The following TXNRD1 variants were observed in gnomAD, a reference collection of about 807,000 sequenced individuals.
TXNRD1 encodes the protein thioredoxin reductase 1, cytoplasmic.
A neutral mutation model predicts 80.3 loss-of-function variants in TXNRD1; 57 were observed. The ratio of observed to expected loss-of-function variants is 0.71; its 90% CI spans 0.57 to 0.89. The LOEUF (loss-of-function observed/expected upper bound fraction) is 0.89. Ranked by LOEUF, TXNRD1 falls within the 40% of genes least tolerant of loss-of-function variation. The probability of loss-of-function intolerance (pLI) is 0.00; values close to 1 mark genes in which losing one functional copy is unlikely to be tolerated. For missense variants in TXNRD1, 730 were observed against 803.0 expected, an observed-to-expected ratio of 0.91 and a Z score of 1.10; for synonymous variants, 291 against 285.2, an observed-to-expected ratio of 1.02 and a Z score of -0.20.
intron 4 of TXNRD1, among the ~76,000 whole-genome samples, chr12:104,307,785 A>G (rs1211350168): frequency 1.3e-5 from 2 of 152,160 alleles, no homozygotes; most frequent in African/African-American, 4.8e-5. Flanking sequence ...GCAGTGTTTT[A>G]CTAGGAGTGG....
At chr12:104,241,307 G>A (rs2032858500) in intron 1 of TXNRD1, among the ~76,000 whole-genome samples, 1 of 152,194 alleles carries the variant, frequency 6.6e-6, no homozygotes, top group African/African-American at 2.4e-5. Context: ...CCAAAGTGCT[G>A]AGATTACAGA....
intron 4 of TXNRD1, among the ~76,000 whole-genome samples, chr12:104,291,506 A>G (rs1284268235): frequency 9.1e-6 from 1 of 109,328 alleles, no homozygotes; most frequent in Non-Finnish European, 1.9e-5. Context: ...TTTTTTGAGA[A>G]GGAGTCTCAC....
chr12:104,309,254 A>G (rs569885704), intron 4 of TXNRD1, among the ~76,000 whole-genome samples: 1 of 152,282 alleles, frequency 6.6e-6, no homozygotes, highest in South Asian at 2.1e-4. Flanking sequence ...GTGTCTTGCC[A>G]ATTGGTAAAT....
At chr12:104,264,701 T>C (rs2135716163) in intron 3 of TXNRD1, among the ~76,000 whole-genome samples, 1 of 152,356 alleles carries the variant, frequency 6.6e-6, no homozygotes, top group East Asian at 1.9e-4. Flanking sequence ...ATAGTCCATG[T>C]ATTTACTTAG....
chr12:104,310,137 G>A (rs1047953614), intron 4 of TXNRD1: 2 of 1,454,612 alleles, frequency 1.4e-6, no homozygotes, highest in African/African-American at 1.4e-5. Flanking sequence ...TAAAGTTAAG[G>A]CTTTTTGTTT....
intron 1 of TXNRD1, among the ~76,000 whole-genome samples, chr12:104,243,248 G>A (rs564222742): frequency 6.6e-6 from 1 of 152,172 alleles, no homozygotes; most frequent in East Asian, 1.9e-4. Flanking sequence ...TCATTATCAT[G>A]TCCTTTTAGG....
At chr12:104,335,674 C>T (rs948450268) in intron 15 of TXNRD1, among the ~76,000 whole-genome samples, 1 of 152,098 alleles carries the variant, frequency 6.6e-6, no homozygotes, top group Non-Finnish European at 1.5e-5. Flanking sequence ...AATATTGACT[C>T]TTAAGAAAAC....
At chr12:104,236,423 A>G (rs1369411773) in intron 1 of TXNRD1, among the ~76,000 whole-genome samples, 2 of 152,222 alleles carry the variant, frequency 1.3e-5, no homozygotes, top group Non-Finnish European at 2.9e-5. Context: ...TCAAAAGCCA[A>G]AAATCTTAAC....
rs1303794149 is a variant in TXNRD1 at position 104,342,911 on chromosome 12, G to A, written c.1881+3638G>A. Among the ~76,000 whole-genome samples the A allele has an allele frequency of 4.6e-5, 7 of 152,306 alleles. No homozygotes were observed. In the East Asian group the frequency reaches 1.4e-3, roughly 29 times the overall value. On this transcript the variant is annotated intron_variant, in intron 16 of 16. Coordinates refer to ENST00000525566, the MANE Select transcript of TXNRD1 (RefSeq NM_001093771.3). Reference sequence around the variant, plus strand: ...GTGAGGTGCATGAGAGGAGATGATAGTGGCCGGAGGTGTGGCAGTGGAAAT... The same window carrying A: ...GTGAGGTGCATGAGAGGAGATGATAATGGCCGGAGGTGTGGCAGTGGAAAT...
In TXNRD1 at chr12:104,253,253, G is replaced by A. The variant is rs993837011; in HGVS notation, c.243+1575G>A. Among the ~76,000 whole-genome samples, 4 of 152,096 alleles carry A rather than the reference G, an allele frequency of 2.6e-5. No homozygotes were observed. In the East Asian group the frequency reaches 7.7e-4, roughly 29 times the overall value. On this transcript the variant is annotated intron_variant, in intron 2 of 16. Coordinates refer to ENST00000525566, the MANE Select transcript of TXNRD1 (RefSeq NM_001093771.3). ...GTGGGCGGCAAAAACACTGAGGTACGGAGACCCTTTCATCCTTGTGTCTCT... is the reference window on the plus strand; with the variant it reads ...GTGGGCGGCAAAAACACTGAGGTACAGAGACCCTTTCATCCTTGTGTCTCT...
intron 7 of TXNRD1, 94 bp from the exon 8 acceptor site, chr12:104,318,819 C>T (rs2035420645): frequency 7.1e-7 from 1 of 1,399,856 alleles, no homozygotes; most frequent in Admixed American, 2.1e-5. Context: ...TTTTAGAGCT[C>T]TGCTCCCTGT....
intron 1 of TXNRD1, among the ~76,000 whole-genome samples, chr12:104,226,110 G>C (rs2032467353): frequency 1.3e-5 from 2 of 152,146 alleles, no homozygotes; most frequent in South Asian, 4.2e-4. Flanking sequence ...TGAGGCAGGG[G>C]AATCATTTGA....
chr12:104,244,912 A>G (rs966635985), intron 1 of TXNRD1, among the ~76,000 whole-genome samples: 2 of 152,236 alleles, frequency 1.3e-5, no homozygotes, highest in Non-Finnish European at 2.9e-5. Flanking sequence ...GTGGCAAGGT[A>G]TAACTTTGTC....
At position 104,267,699 on chromosome 12, in the gene TXNRD1, TTCTCTC is replaced by T. The variant is rs1555209250; in HGVS notation, c.304+9622_304+9627del. ...TTTCTTTCTTTCTTTCTTTCTTTCT[TTCTCTC>T]TTTCTTTCTTTCTTTCTCTTTCTTT... On this transcript the variant is annotated intron_variant, in intron 3 of 16. Coordinates refer to ENST00000525566, the MANE Select transcript of TXNRD1 (RefSeq NM_001093771.3). Among the ~76,000 whole-genome samples, 23 of 46,434 alleles carry T rather than the reference TTCTCTC, an allele frequency of 5.0e-4. 1 individual carries two copies. Among genetic ancestry groups the T allele is most frequent in the East Asian group, 3.2e-3 (2 of 626 alleles). The allele number at this position is 46,434 out of a possible 152,430, so 30.5% of individuals were successfully genotyped here.
intron 8 of TXNRD1, 108 bp from the exon 9 acceptor site, chr12:104,319,362 T>C (rs2035450034): frequency 2.7e-6 from 2 of 744,280 alleles, no homozygotes; most frequent in South Asian, 1.8e-5. Context: ...ATTGTCCTCA[T>C]TATGAGGATG....
At chr12:104,312,155 A>T (rs1200072397) in intron 5 of TXNRD1, among the ~76,000 whole-genome samples, 2 of 152,108 alleles carry the variant, frequency 1.3e-5, no homozygotes, top group African/African-American at 4.8e-5. Context: ...TCTCTCCAAT[A>T]TAAAAAAAGA....
intron 3 of TXNRD1, among the ~76,000 whole-genome samples, chr12:104,261,643 C>T (rs1440226418): frequency 2.6e-5 from 4 of 152,182 alleles, no homozygotes; most frequent in East Asian, 1.9e-4. Context: ...GCCAAAACAA[C>T]GTATATTGCA....
intron 1 of TXNRD1, among the ~76,000 whole-genome samples, chr12:104,246,855 G>A (rs1379653840): frequency 6.6e-6 from 1 of 151,938 alleles, no homozygotes; most frequent in Non-Finnish European, 1.5e-5. Context: ...AAATGATTCT[G>A]TATTTGTCTC....
intron 1 of TXNRD1, among the ~76,000 whole-genome samples, chr12:104,219,101 C>G (rs1345039149): frequency 6.6e-6 from 1 of 151,926 alleles, no homozygotes; most frequent in Non-Finnish European, 1.5e-5. Context: ...CACCACCATG[C>G]CTAGCCTCAA....
Sources: allele counts gnomAD v4.1 joint callset (sites outside exome capture counted in the v4.1 genomes callset), GRCh38; gene constraint gnomAD v4.1.1; transcripts MANE v1.5; gene names NCBI Gene and HGNC (gene_info 2026-07-23, HGNC 2026-07-21).